FMN2: variants seen among roughly 807,000 people sequenced by gnomAD.
FMN2 encodes formin 2, also known as formin-2.
In FMN2, 51 loss-of-function variants were observed where a neutral mutation model predicts 142.3. The observed-to-expected ratio is 0.36, with a 90% CI of 0.29 to 0.45. FMN2 has a LOEUF of 0.45. Among genes scored for constraint, FMN2 ranks in the 20% least tolerant of loss-of-function variants. The pLI is 1.00. For synonymous variants in FMN2, 882 were observed against 869.8 expected, an observed-to-expected ratio of 1.01 and a Z score of -0.25; for missense variants, 1,936 against 2,122.8, an observed-to-expected ratio of 0.91 and a Z score of 1.73.
rs77077881 is a variant in FMN2, at chr1:240,171,844, C to T, written c.1783-6077C>T. On this transcript the variant is annotated intron_variant, in intron 2 of 17. Coordinates refer to ENST00000319653, the MANE Select transcript of FMN2 (RefSeq NM_020066.5). ...TAGCAGGCCTGTAGCCTACTTTACG[C>T]CACTTTTAGGTTGTGTTTTTAAAGT... 2.4e-3 allele frequency among the ~76,000 whole-genome samples: 372 copies of T among 152,230 alleles called. 2 individuals carry two copies. Among genetic ancestry groups the T allele is most frequent in the Middle Eastern group, 6.8e-3 (2 of 294 alleles).
intron 14 of FMN2, among the ~76,000 whole-genome samples, chr1:240,383,247 T>A: frequency 6.6e-6 from 1 of 151,960 alleles, no homozygotes. Flanking sequence ...TGCAACAGAA[T>A]AAAAAATAGA....
chr1:240,424,150 A>G (rs1044916997), intron 15 of FMN2, among the ~76,000 whole-genome samples: 1 of 152,224 alleles, frequency 6.6e-6, no homozygotes, highest in African/African-American at 2.4e-5. Flanking sequence ...GTATACATAC[A>G]TAGGTGTACA....
At chr1:240,453,965 C>T (rs536324435) in intron 16 of FMN2, among the ~76,000 whole-genome samples, 248 of 9,422 alleles carry the variant, frequency 0.026, 97 homozygotes, top group Non-Finnish European at 0.057. Context: ...GTCCGCAGTC[C>T]GGCCTGGGCG....
chr1:240,451,028 A>G (rs1676018508), intron 16 of FMN2, among the ~76,000 whole-genome samples: 1 of 152,186 alleles, frequency 6.6e-6, no homozygotes, highest in Admixed American at 6.5e-5. Flanking sequence ...AGTTATATGC[A>G]GATTCAAGTT....
chr1:240,280,614 G>C (rs1056530004), intron 7 of FMN2, among the ~76,000 whole-genome samples: 14 of 152,130 alleles, frequency 9.2e-5, no homozygotes, highest in Non-Finnish European at 1.0e-4. Context: ...GGTGAAATCT[G>C]TTATGCCCAA....
intron 7 of FMN2, among the ~76,000 whole-genome samples, chr1:240,271,532 A>G (rs887656682): frequency 2.0e-5 from 3 of 151,620 alleles, no homozygotes; most frequent in Non-Finnish European, 2.9e-5. Flanking sequence ...GGGATATAGA[A>G]TTTTAAGACC....
intron 7 of FMN2, among the ~76,000 whole-genome samples, chr1:240,265,812 T>C (rs1176642417): frequency 6.6e-6 from 1 of 152,110 alleles, no homozygotes; most frequent in African/African-American, 2.4e-5. Flanking sequence ...ACTTAATCAA[T>C]GTTAGTTTCC....
Position 240,174,381 on chromosome 1 carries a change from G to A in FMN2, c.1783-3540G>A, listed in dbSNP as rs577275267. 2.0e-5 allele frequency among the ~76,000 whole-genome samples: 3 copies of A among 152,236 alleles called. No individual in the cohort carries two copies. In the South Asian group the frequency reaches 6.2e-4, roughly 32 times the overall value. On this transcript the variant is annotated intron_variant, in intron 2 of 17. Transcript: ENST00000319653. ...TTTCTTTCTGTTTTTTTGAGACAAG[G>A]TCTTGCTCTGTTGTCCAGGCTAGAG...
At chr1:240,153,368 A>G (rs1663864778) in intron 2 of FMN2, among the ~76,000 whole-genome samples, 5 of 145,540 alleles carry the variant, frequency 3.4e-5, no homozygotes, top group Middle Eastern at 3.6e-3. Flanking sequence ...GTACCCATTG[A>G]GCTGGTTGTA....
At chr1:240,145,444 A>G (rs1267944111) in intron 2 of FMN2, 3 of 301,268 alleles carry the variant, frequency 1.0e-5, no homozygotes, top group Non-Finnish European at 1.8e-5. Flanking sequence ...TATATATTAT[A>G]GGGGAAAAAC....
Position 240,207,394 on chromosome 1 carries a change from T to G in FMN2, c.2582T>G (p.Leu861Arg), listed in dbSNP as rs1468988590. ...NSCNIPSPPPLPCTESSSSMP... is the reference protein window; with the variant it reads ...NSCNIPSPPPRPCTESSSSMP... ...TGTAACATCCCATCTCCACCACCTCTGCCTTGCACAGAGTCCTCCAGCTCC... is the reference window on the plus strand; with the variant it reads ...TGTAACATCCCATCTCCACCACCTCGGCCTTGCACAGAGTCCTCCAGCTCC... Residue 861 changes from leucine to arginine, a missense_variant, in exon 5 of 18, where the codon CTG (leucine) becomes CGG (arginine). Physicochemically the swap from Leu to Arg is moderately radical, Grantham distance 102. Transcript: ENST00000319653. The G allele has an allele frequency of 1.2e-6, 2 of 1,613,766 alleles. No homozygotes were observed. Among genetic ancestry groups the G allele is most frequent in the Non-Finnish European group, 1.7e-6 (2 of 1,179,902 alleles).
intron 1 of FMN2, among the ~76,000 whole-genome samples, chr1:240,105,849 G>A (rs1661588402): frequency 6.6e-6 from 1 of 152,054 alleles, no homozygotes; most frequent in Non-Finnish European, 1.5e-5. Flanking sequence ...GATTTTAAAG[G>A]TAGTGCTTTT....
intron 6 of FMN2, among the ~76,000 whole-genome samples, chr1:240,239,176 A>G (rs1000975422): frequency 6.6e-6 from 1 of 152,214 alleles, no homozygotes; most frequent in Non-Finnish European, 1.5e-5. Flanking sequence ...TTTTTATTGA[A>G]CAGCAAAACG....
At chr1:240,183,804 G>T (rs116233272) in intron 3 of FMN2, among the ~76,000 whole-genome samples, 1,866 of 152,152 alleles carry the variant, frequency 0.012, 39 homozygotes, top group African/African-American at 0.043. Flanking sequence ...CATTTATTAG[G>T]CAGCCAATCA....
intron 15 of FMN2, among the ~76,000 whole-genome samples, chr1:240,396,907 A>G (rs914158138): frequency 1.3e-5 from 2 of 152,174 alleles, no homozygotes; most frequent in African/African-American, 2.4e-5. Context: ...TAGTGCTGTG[A>G]TGAACATACG....
At chr1:240,427,327 T>A (rs1480484967) in intron 15 of FMN2, among the ~76,000 whole-genome samples, 5 of 151,978 alleles carry the variant, frequency 3.3e-5, no homozygotes, top group Non-Finnish European at 2.9e-5. Context: ...TGCCTCAGCC[T>A]CCTGAGTAGC....
At chr1:240,371,213 G>C (rs1382070478) in intron 14 of FMN2, among the ~76,000 whole-genome samples, 2 of 151,994 alleles carry the variant, frequency 1.3e-5, no homozygotes, top group Non-Finnish European at 2.9e-5. Flanking sequence ...CCCCACCTTG[G>C]CCTCCCAAAG....
chr1:240,095,014 C>T (rs981853927), intron 1 of FMN2, among the ~76,000 whole-genome samples: 3 of 151,596 alleles, frequency 2.0e-5, no homozygotes, highest in Non-Finnish European at 2.9e-5. Context: ...TCTTCTTTTC[C>T]ACCTTCTCTT....
intron 2 of FMN2, among the ~76,000 whole-genome samples, chr1:240,147,477 C>T (rs1298636380): frequency 6.6e-6 from 1 of 152,150 alleles, no homozygotes; most frequent in Non-Finnish European, 1.5e-5. Context: ...TTAGTTCCTT[C>T]TCCACAAAAG....
Sources: gnomAD v4.1 joint callset for allele counts (sites outside exome capture counted in the v4.1 genomes callset) on GRCh38, gnomAD v4.1.1 for gene constraint, MANE v1.5 for transcripts, NCBI Gene and HGNC (gene_info 2026-07-23, HGNC 2026-07-21) for gene names.